RASGEF1C: variants seen among roughly 807,000 people sequenced by gnomAD.
RASGEF1C encodes RasGEF domain family member 1C.
Under a neutral mutation model 58.1 loss-of-function variants are expected in RASGEF1C, and 27 were observed. The observed-to-expected ratio is 0.46, with a 90% confidence interval of 0.34 to 0.64. The LOEUF (loss-of-function observed/expected upper bound fraction) is 0.64. Among genes scored for constraint, RASGEF1C ranks in the 30% least tolerant of loss-of-function variants. RASGEF1C has a pLI of 0.01. For missense variants in RASGEF1C, 502 were observed against 605.1 expected (o/e 0.83, Z 1.79); for synonymous variants, 243 against 246.3 (o/e 0.99, Z 0.13).
intron 11 of RASGEF1C, among the ~76,000 whole-genome samples, chr5:180,112,104 C>A (rs1408335495): frequency 6.6e-6 from 1 of 152,158 alleles, no homozygotes; most frequent in African/African-American, 2.4e-5. Flanking sequence ...GTAGTCTTAC[C>A]TGTCCCTGGC....
intron 1 of RASGEF1C, among the ~76,000 whole-genome samples, chr5:180,204,014 C>CAAG (rs2127564777): frequency 6.7e-6 from 1 of 149,952 alleles, no homozygotes; most frequent in East Asian, 2.0e-4. Flanking sequence ...AAACAAACAA[C>CAAG]AACAACAACA....
chr5:180,179,674 C>T (rs958206829), intron 1 of RASGEF1C, among the ~76,000 whole-genome samples: 2 of 152,232 alleles, frequency 1.3e-5, no homozygotes, highest in African/African-American at 4.8e-5. Flanking sequence ...GGTATGCAAA[C>T]TGTGGTCTCT....
At chr5:180,181,881 G>C (rs911436611) in intron 1 of RASGEF1C, among the ~76,000 whole-genome samples, 1 of 152,134 alleles carries the variant, frequency 6.6e-6, no homozygotes, top group African/African-American at 2.4e-5. Context: ...CAGTTTCTTC[G>C]GTTGGTTTGT....
intron 10 of RASGEF1C, among the ~76,000 whole-genome samples, chr5:180,115,021 T>C (rs1470698376): frequency 1.3e-5 from 2 of 151,194 alleles, no homozygotes; most frequent in African/African-American, 2.4e-5. Context: ...TTTGGTGGCC[T>C]CCTTTTTTTT....
At chr5:180,203,331 G>C (rs1174300653) in intron 1 of RASGEF1C, among the ~76,000 whole-genome samples, 1 of 152,168 alleles carries the variant, frequency 6.6e-6, no homozygotes, top group Non-Finnish European at 1.5e-5. Context: ...ACTCTTTGCT[G>C]GCTTGATAGA....
intron 1 of RASGEF1C, among the ~76,000 whole-genome samples, chr5:180,175,170 T>C (rs1767202506): frequency 1.3e-5 from 2 of 151,980 alleles, no homozygotes; most frequent in South Asian, 4.2e-4. Flanking sequence ...GTGTAAGAGG[T>C]CACTTGGCTA....
intron 12 of RASGEF1C, among the ~76,000 whole-genome samples, chr5:180,105,014 T>G (rs571508218): frequency 6.6e-6 from 1 of 152,332 alleles, no homozygotes; most frequent in East Asian, 1.9e-4. Flanking sequence ...TAGTACGGAA[T>G]CCTGTATATA....
intron 1 of RASGEF1C, among the ~76,000 whole-genome samples, chr5:180,166,307 AGAG>A (rs1311496173): frequency 6.6e-6 from 1 of 152,144 alleles, no homozygotes. Flanking sequence ...CAAGAGGGAC[AGAG>A]GAGTCTATTA....
At chr5:180,114,591 G>A in intron 10 of RASGEF1C, 50 bp from the exon 11 acceptor site, 2 of 1,559,564 alleles carry the variant, frequency 1.3e-6, no homozygotes, top group Non-Finnish European at 1.7e-6. Flanking sequence ...CCACACAGCG[G>A]GCTCCAGGAC....
intron 1 of RASGEF1C, among the ~76,000 whole-genome samples, chr5:180,207,618 C>CGTCCCTCTCTCGCCT (rs1175628770): frequency 9.0e-4 from 61 of 68,048 alleles, no homozygotes; most frequent in African/African-American, 1.8e-3. Context: ...CTCCGCAGCC[C>CGTCCCTCTCTCGCCT]GTCCCTCTCT....
chr5:180,169,872 C>T (rs1018935181), intron 1 of RASGEF1C, among the ~76,000 whole-genome samples: 4 of 145,838 alleles, frequency 2.7e-5, no homozygotes, highest in African/African-American at 9.9e-5. Flanking sequence ...GCTGCCTTCC[C>T]GCCCTGGGGC....
intron 1 of RASGEF1C, among the ~76,000 whole-genome samples, chr5:180,206,923 C>T (rs762996090): frequency 6.6e-5 from 10 of 152,214 alleles, no homozygotes; most frequent in Non-Finnish European, 1.0e-4. Context: ...TTTTAAATGG[C>T]TCCCAATGGT....
At chr5:180,121,019 G>A in intron 7 of RASGEF1C, 41 bp downstream of exon 7, 1 of 1,478,344 alleles carries the variant, frequency 6.8e-7, no homozygotes, top group Non-Finnish European at 9.5e-7. Context: ...CCGGCCGCCT[G>A]GGGCTATGCC....
At chr5:180,107,568 C>T (rs1037659315) in intron 12 of RASGEF1C, among the ~76,000 whole-genome samples, 5 of 151,978 alleles carry the variant, frequency 3.3e-5, no homozygotes, top group Non-Finnish European at 7.4e-5. Context: ...AGTGTCATTT[C>T]TCTCTCAGTG....
intron 1 of RASGEF1C, among the ~76,000 whole-genome samples, chr5:180,200,310 C>CTTTTTTTTTTTTTTT (rs762904367): frequency 1.1e-5 from 1 of 90,222 alleles, no homozygotes; most frequent in Non-Finnish European, 2.1e-5. Flanking sequence ...GTACATCATT[C>CTTTTTTTTTTTTTTT]TTTTTTTTTT....
intron 1 of RASGEF1C, among the ~76,000 whole-genome samples, chr5:180,196,869 C>T (rs994285824): frequency 1.3e-5 from 2 of 152,248 alleles, no homozygotes; most frequent in Admixed American, 1.3e-4. Context: ...GCACACTCTG[C>T]TTGATAGGAA....
intron 10 of RASGEF1C, among the ~76,000 whole-genome samples, chr5:180,117,336 T>G (rs74397919): frequency 6.6e-6 from 1 of 152,200 alleles, no homozygotes; most frequent in East Asian, 1.9e-4. Context: ...CACCTCAGCT[T>G]GCTTCCCAAA....
chr5:180,121,670 CACACACACACA>C (rs758513303), intron 6 of RASGEF1C, among the ~76,000 whole-genome samples: 2,782 of 89,770 alleles, frequency 0.031, 49 homozygotes, highest in South Asian at 0.06. Context: ...CACACACACA[CACACACACACA>C]CCCTCATTAT....
At chr5:180,109,750 G>C (rs1765928990) in intron 12 of RASGEF1C, among the ~76,000 whole-genome samples, 1 of 152,134 alleles carries the variant, frequency 6.6e-6, no homozygotes, top group Admixed American at 6.5e-5. Context: ...GAAGGAAGGG[G>C]CCACAGCCAA....
Sources: gnomAD v4.1 joint callset for allele counts (sites outside exome capture counted in the v4.1 genomes callset) on GRCh38, gnomAD v4.1.1 for gene constraint, MANE v1.5 for transcripts, NCBI Gene and HGNC (gene_info 2026-07-23, HGNC 2026-07-21) for gene names.